PFKFB1: variants seen among roughly 807,000 people sequenced by gnomAD.
PFKFB1 encodes 6-phosphofructo-2-kinase/fructose-2,6-bisphosphatase 1.
In PFKFB1, 34 loss-of-function variants were observed where a neutral mutation model predicts 46.4. The observed-to-expected ratio is 0.73, with a 90% CI of 0.56 to 0.98. The LOEUF (loss-of-function observed/expected upper bound fraction) is 0.98. Among genes scored for constraint, PFKFB1 ranks in the 50% least tolerant of loss-of-function variants. The pLI, the probability that PFKFB1 is intolerant of heterozygous loss-of-function variation, is 0.00. For missense variants in PFKFB1, 393 were observed against 376.3 expected, an observed-to-expected ratio of 1.04 and a Z score of -0.37; for synonymous variants, 119 against 133.8, an observed-to-expected ratio of 0.89 and a Z score of 0.76.
rs577272883 is a variant in PFKFB1 at position 54,990,673 on chromosome X, T to C, written c.97+3238A>G. Among the ~76,000 whole-genome samples the C allele has an allele frequency of 2.1e-4, 24 of 111,662 alleles. No individual in the cohort carries two copies. The South Asian group carries it at 4.9e-3, about 23-fold the overall frequency. On this transcript the variant is annotated intron_variant, in intron 1 of 13. Coordinates refer to ENST00000375006, the MANE Select transcript of PFKFB1 (RefSeq NM_002625.4). ...TGAGGTTAGTGTAATCTTGACACTC[T>C]TGGAAAAATCACAGGCCAATCTCTT...
intron 4 of PFKFB1, 46 bp from the exon 5 acceptor site, chrX:54,958,971 C>G: frequency 1.2e-6 from 1 of 810,345 alleles, no homozygotes; most frequent in Non-Finnish European, 1.9e-6. Context: ...CTGGTGCTAA[C>G]AGAACACCTA....
rs1935163163 is a variant in PFKFB1, at chrX:54,988,551, A to G, written c.97+5360T>C. On this transcript the variant is annotated intron_variant, in intron 1 of 13. Coordinates refer to ENST00000375006, the MANE Select transcript of PFKFB1 (RefSeq NM_002625.4). The stretch of plus-strand genomic sequence containing the variant: ...TCATAAAAACAATCTGAAAAAGACC[A>G]AAATTAGAAGACATACTTCCCAATT... 3.6e-5 allele frequency among the ~76,000 whole-genome samples: 4 copies of G among 111,945 alleles called. No individual in the cohort carries two copies. In the South Asian group the frequency reaches 1.5e-3, roughly 41 times the overall value.
At chrX:54,953,665 G>A (rs1934053024) in intron 7 of PFKFB1, among the ~76,000 whole-genome samples, 1 of 111,440 alleles carries the variant, frequency 9.0e-6, no homozygotes, top group African/African-American at 3.3e-5. Flanking sequence ...CCTGGCTACT[G>A]TCTGTTCCTA....
chrX:54,944,611 G>A (rs1933748370), intron 10 of PFKFB1, among the ~76,000 whole-genome samples: 1 of 111,614 alleles, frequency 9.0e-6, no homozygotes, highest in Non-Finnish European at 1.9e-5. Flanking sequence ...TACGTTTTTA[G>A]GCAAAAAGGA....
intron 9 of PFKFB1, among the ~76,000 whole-genome samples, chrX:54,948,786 C>T (rs139868533): frequency 0.033 from 3,733 of 111,673 alleles, 74 homozygotes; most frequent in Middle Eastern, 0.056. Flanking sequence ...AGCACCCTTA[C>T]CCTCTGATCC....
intron 9 of PFKFB1, among the ~76,000 whole-genome samples, chrX:54,947,312 T>C (rs1008924892): frequency 1.8e-5 from 2 of 111,820 alleles, no homozygotes; most frequent in Non-Finnish European, 3.8e-5. Flanking sequence ...TCTCTGTTTA[T>C]TCCTCTGTCT....
intron 7 of PFKFB1, among the ~76,000 whole-genome samples, chrX:54,953,352 A>C (rs909272329): frequency 8.9e-6 from 1 of 112,255 alleles, no homozygotes; most frequent in Non-Finnish European, 1.9e-5. Flanking sequence ...TTATGGCTGC[A>C]CCACACTCAT....
At chrX:54,949,302 A>C (rs1316427844) in intron 8 of PFKFB1, 81 bp from the exon 9 acceptor site, 5 of 798,428 alleles carry the variant, frequency 6.3e-6, no homozygotes, top group Non-Finnish European at 5.3e-6. Context: ...GAACAAGCTC[A>C]GATCTGCCAC....
At chrX:54,969,521 C>A (rs1421769497) in intron 1 of PFKFB1, among the ~76,000 whole-genome samples, 1 of 111,720 alleles carries the variant, frequency 9.0e-6, no homozygotes, top group African/African-American at 3.3e-5. Flanking sequence ...TCTGTTTTAG[C>A]AGCACAAAAT....
At chrX:54,935,399 T>C (rs938218115) in intron 11 of PFKFB1, among the ~76,000 whole-genome samples, 1 of 111,993 alleles carries the variant, frequency 8.9e-6, no homozygotes, top group Non-Finnish European at 1.9e-5. Flanking sequence ...CAAGTGTTTT[T>C]TGAGACCCTG....
In PFKFB1 at chrX:54,934,927, A is replaced by T. The variant is rs773136103; in HGVS notation, c.1291+20T>A. 1.7e-6 allele frequency: 2 copies of T among 1,175,187 alleles called. No homozygotes were observed. Among genetic ancestry groups the T allele is most frequent in the Non-Finnish European group, 2.3e-6 (2 of 862,869 alleles). On this transcript the variant is annotated intron_variant, in intron 12 of 13. Transcript: ENST00000375006. ...ATAGCCTCTATATGCCTGTCCTTTG[A>T]TCAGGGTGGGAGTACTTACCATAAG... is the stretch of plus-strand genomic sequence containing the variant.
intron 10 of PFKFB1, among the ~76,000 whole-genome samples, chrX:54,939,338 G>A (rs1933528584): frequency 1.8e-5 from 2 of 109,769 alleles, no homozygotes; most frequent in South Asian, 7.8e-4. Context: ...AAGAACTAGA[G>A]AAGCAAGAGC....
At chrX:54,951,155 A>G (rs755495181) in intron 8 of PFKFB1, among the ~76,000 whole-genome samples, 1 of 113,069 alleles carries the variant, frequency 8.8e-6, no homozygotes, top group Non-Finnish European at 1.9e-5. Flanking sequence ...ACCTGTGCTA[A>G]TAAGCCCAGG....
chrX:54,948,924 A>G, intron 9 of PFKFB1, 151 bp downstream of exon 9: 3 of 546,090 alleles, frequency 5.5e-6, no homozygotes, highest in Non-Finnish European at 8.9e-6. Flanking sequence ...GATCCCCAAG[A>G]CATAGAATAA....
At chrX:54,947,894 G>A (rs1174982211) in intron 9 of PFKFB1, among the ~76,000 whole-genome samples, 1 of 109,619 alleles carries the variant, frequency 9.1e-6, no homozygotes, top group African/African-American at 3.3e-5. Flanking sequence ...CTTACAGCCA[G>A]TGCACCAGCA....
intron 1 of PFKFB1, among the ~76,000 whole-genome samples, chrX:54,972,134 C>G (rs1934686896): frequency 9.1e-6 from 1 of 110,404 alleles, no homozygotes; most frequent in Non-Finnish European, 1.9e-5. Flanking sequence ...ATTTGGCTCT[C>G]TGTTTGTCTG....
At chrX:54,940,506 G>C (rs1425241567) in intron 10 of PFKFB1, among the ~76,000 whole-genome samples, 4 of 111,524 alleles carry the variant, frequency 3.6e-5, no homozygotes, top group African/African-American at 1.3e-4. Context: ...TCGTCTCAGC[G>C]CAAAATCTCC....
chrX:54,988,008 A>G (rs958919468), intron 1 of PFKFB1, among the ~76,000 whole-genome samples: 14 of 111,416 alleles, frequency 1.3e-4, no homozygotes, highest in Admixed American at 8.6e-4. Flanking sequence ...GGTAAGAAAA[A>G]GAAAATAAAA....
At chrX:54,993,631 C>T (rs1246618832) in intron 1 of PFKFB1, among the ~76,000 whole-genome samples, 2 of 112,235 alleles carry the variant, frequency 1.8e-5, no homozygotes, top group East Asian at 2.8e-4. Flanking sequence ...AGAAGCATTC[C>T]AAACAAGCTC....
Sources: allele counts gnomAD v4.1 joint callset (sites outside exome capture counted in the v4.1 genomes callset), GRCh38; gene constraint gnomAD v4.1.1; transcripts MANE v1.5; gene names NCBI Gene and HGNC (gene_info 2026-07-23, HGNC 2026-07-21).